The following DGKB variants were observed in gnomAD, a reference collection of about 807,000 sequenced individuals.
The protein encoded by DGKB is diacylglycerol kinase beta, also known as 90 kDa diacylglycerol kinase.
DGKB carries 67 observed loss-of-function variants against 114.3 expected under a neutral mutation model. That is an observed-to-expected ratio of 0.59 (90% confidence interval 0.48 to 0.72). The LOEUF is 0.72. Ranked by LOEUF, DGKB falls within the 30% of genes least tolerant of loss-of-function variation. DGKB has a pLI of 0.00. For missense variants in DGKB, 907 were observed against 975.2 expected (o/e 0.93, Z 0.93); for synonymous variants, 398 against 323.1 (o/e 1.23, Z -2.49).
chr7:14,190,106 C>T (rs1022972231), intron 23 of DGKB, among the ~76,000 whole-genome samples: 7 of 152,240 alleles, frequency 4.6e-5, no homozygotes, highest in African/African-American at 9.6e-5. Flanking sequence ...ATATTCTTTT[C>T]GGTTGCACAT....
chr7:14,194,146 C>T (rs1330422749), intron 23 of DGKB, among the ~76,000 whole-genome samples: 2 of 151,924 alleles, frequency 1.3e-5, no homozygotes, highest in Non-Finnish European at 2.9e-5. Context: ...TGGAGGTTCC[C>T]CAAAAATAGT....
At chr7:14,838,792 G>A (rs1323005031) in intron 2 of DGKB, among the ~76,000 whole-genome samples, 1 of 152,042 alleles carries the variant, frequency 6.6e-6, no homozygotes, top group African/African-American at 2.4e-5. Context: ...ACTTATAACT[G>A]TACAATGACT....
chr7:14,272,212 A>G (rs1798367380), intron 23 of DGKB, among the ~76,000 whole-genome samples: 2 of 152,092 alleles, frequency 1.3e-5, no homozygotes, highest in Non-Finnish European at 2.9e-5. Flanking sequence ...TTGAAGAACT[A>G]GGTAAGTTAA....
At chr7:14,545,748 T>C (rs1030310432) in intron 20 of DGKB, among the ~76,000 whole-genome samples, 2 of 152,218 alleles carry the variant, frequency 1.3e-5, no homozygotes, top group South Asian at 2.1e-4. Flanking sequence ...GTTAACTTGT[T>C]CCTGATCTGA....
intron 1 of DGKB, among the ~76,000 whole-genome samples, chr7:14,860,400 C>A (rs754631808): frequency 1.8e-4 from 27 of 151,930 alleles, no homozygotes; most frequent in Non-Finnish European, 3.4e-4. Context: ...TCACGTCTTC[C>A]ATTGTTTATT....
intron 6 of DGKB, among the ~76,000 whole-genome samples, chr7:14,704,629 G>T (rs192251046): frequency 6.6e-6 from 1 of 151,918 alleles, no homozygotes; most frequent in African/African-American, 2.4e-5. Flanking sequence ...TCTGAGAACC[G>T]GCAGACTGCC....
At chr7:14,256,030 T>G (rs1017661349) in intron 23 of DGKB, among the ~76,000 whole-genome samples, 1 of 152,252 alleles carries the variant, frequency 6.6e-6, no homozygotes, top group African/African-American at 2.4e-5. Context: ...TGTTCTCTTA[T>G]GATTCTCCTC....
chr7:14,631,001 T>C (rs1049196572), intron 13 of DGKB, among the ~76,000 whole-genome samples: 1 of 151,578 alleles, frequency 6.6e-6, no homozygotes, highest in Non-Finnish European at 1.5e-5. Flanking sequence ...GGATAATTAG[T>C]TGACAAATCA....
intron 19 of DGKB, among the ~76,000 whole-genome samples, chr7:14,577,580 G>A (rs554179855): frequency 5.9e-4 from 90 of 152,106 alleles, no homozygotes; most frequent in Non-Finnish European, 1.1e-3. Context: ...TTGCGCCACT[G>A]CACTCCAGCC....
rs1807673713 is a variant in DGKB, at chr7:14,621,621, C to T, written c.1168-127G>A. The T allele has an allele frequency of 6.7e-6, 4 of 600,410 alleles. No homozygotes were observed. The East Asian group carries it at 1.1e-4, about 17-fold the overall frequency. 37.2% of individuals were successfully genotyped at this position (600,410 alleles called of 1,614,324 possible). A position where few individuals can be genotyped will look rare whatever the true frequency, so the allele number is the denominator to read the frequency against. Reference sequence around the variant, plus strand: ...AGGCTCAACTTTCTAATTTGAAGTTCCTAGTGAATAATATGAAAGCTGTTG... The same window carrying T: ...AGGCTCAACTTTCTAATTTGAAGTTTCTAGTGAATAATATGAAAGCTGTTG... On this transcript the variant is annotated intron_variant, in intron 14 of 25. Coordinates refer to ENST00000402815, the MANE Select transcript of DGKB (RefSeq NM_001350709.2).
At chr7:14,152,603 T>C (rs1242073558) in intron 25 of DGKB, among the ~76,000 whole-genome samples, 4 of 152,088 alleles carry the variant, frequency 2.6e-5, no homozygotes, top group African/African-American at 9.7e-5. Context: ...TTTCTACTTC[T>C]GTCTTCCTGT....
intron 7 of DGKB, among the ~76,000 whole-genome samples, chr7:14,700,094 T>C (rs768914405): frequency 6.6e-6 from 1 of 152,144 alleles, no homozygotes; most frequent in Non-Finnish European, 1.5e-5. Context: ...TAGAAGAAAT[T>C]AAAATTTCTA....
intron 20 of DGKB, among the ~76,000 whole-genome samples, chr7:14,540,412 A>G (rs890124448): frequency 6.6e-6 from 1 of 152,136 alleles, no homozygotes; most frequent in Non-Finnish European, 1.5e-5. Flanking sequence ...AAATTAAACA[A>G]AAGTTCATGG....
intron 21 of DGKB, among the ~76,000 whole-genome samples, chr7:14,435,943 A>C (rs1320332554): frequency 6.6e-6 from 1 of 152,134 alleles, no homozygotes; most frequent in African/African-American, 2.4e-5. Flanking sequence ...TAGATATTCT[A>C]ATAGACTATG....
intron 2 of DGKB, among the ~76,000 whole-genome samples, chr7:14,809,677 C>G (rs745810265): frequency 2.6e-5 from 4 of 152,092 alleles, no homozygotes; most frequent in Non-Finnish European, 5.9e-5. Flanking sequence ...ACTTGAATCT[C>G]TGCCTGACAA....
At chr7:14,768,083 G>A (rs1433100426) in intron 2 of DGKB, among the ~76,000 whole-genome samples, 1 of 151,932 alleles carries the variant, frequency 6.6e-6, no homozygotes, top group Non-Finnish European at 1.5e-5. Context: ...TATCCTGTGA[G>A]CATATACATT....
chr7:14,219,656 A>G (rs1789598971), intron 23 of DGKB, among the ~76,000 whole-genome samples: 1 of 151,786 alleles, frequency 6.6e-6, no homozygotes, highest in African/African-American at 2.4e-5. Flanking sequence ...ATTGAGTTGT[A>G]TCATTACATA....
At chr7:14,703,670 G>A (rs914718090) in intron 6 of DGKB, among the ~76,000 whole-genome samples, 7 of 152,058 alleles carry the variant, frequency 4.6e-5, no homozygotes, top group Non-Finnish European at 1.5e-5. Flanking sequence ...GAATATCCAG[G>A]GTTCTGGATG....
chr7:14,407,932 A>G (rs1370738532), intron 21 of DGKB, among the ~76,000 whole-genome samples: 1 of 152,102 alleles, frequency 6.6e-6, no homozygotes, highest in African/African-American at 2.4e-5. Flanking sequence ...AGACCTTAGA[A>G]GAATAACAGT....
Sources: gnomAD v4.1 joint callset for allele counts (sites outside exome capture counted in the v4.1 genomes callset) on GRCh38, gnomAD v4.1.1 for gene constraint, MANE v1.5 for transcripts, NCBI Gene and HGNC (gene_info 2026-07-23, HGNC 2026-07-21) for gene names.